Variants in ITPKB observed in about 807,000 individuals in gnomAD.
The protein encoded by ITPKB is inositol-trisphosphate 3-kinase B.
Under a neutral mutation model 69.4 loss-of-function variants are expected in ITPKB, and 13 were observed. The observed-to-expected ratio is 0.19, with a 90% confidence interval of 0.12 to 0.30. The LOEUF (loss-of-function observed/expected upper bound fraction) is 0.30. Among genes scored for constraint, ITPKB ranks in the 10% least tolerant of loss-of-function variants. The pLI, the probability that ITPKB is intolerant of heterozygous loss-of-function variation, is 1.00. For missense variants in ITPKB, 1,240 were observed against 1,250.5 expected (o/e 0.99, Z 0.13); for synonymous variants, 584 against 513.7 (o/e 1.14, Z -1.85).
intron 2 of ITPKB, among the ~76,000 whole-genome samples, chr1:226,701,507 G>C (rs1292237300): frequency 1.3e-5 from 2 of 149,170 alleles, no homozygotes; most frequent in African/African-American, 5.0e-5. Flanking sequence ...GGGAGGCTGA[G>C]GCAGGAGAAT....
chr1:226,650,044 T>C (rs1164770348), intron 2 of ITPKB, among the ~76,000 whole-genome samples: 1 of 152,002 alleles, frequency 6.6e-6, no homozygotes, highest in Admixed American at 6.5e-5. Context: ...GCAGAAGCCA[T>C]GTGGCTTGCA....
At chr1:226,646,264 C>T (rs1558301451) in intron 4 of ITPKB, among the ~76,000 whole-genome samples, 1 of 152,204 alleles carries the variant, frequency 6.6e-6, no homozygotes, top group South Asian at 2.1e-4. Context: ...ACGCTGGACA[C>T]CATGGGGGCC....
At position 226,735,831 on chromosome 1, in the gene ITPKB, G is replaced by C. The variant is rs868844316; in HGVS notation, c.1628C>G (p.Pro543Arg). 2.0e-5 allele frequency: 32 copies of C among 1,608,732 alleles called. No homozygotes were observed. Among genetic ancestry groups the C allele is most frequent in the Non-Finnish European group, 2.7e-5 (32 of 1,175,834 alleles). ...ESQRQDSDAL[P>R]SPELLPQDPD... ...ATCTTGGGGTAGCAGCTCCGGACTT[G>C]GGAGGGCATCACTGTCCTGCCGCTG... Residue 543 changes from proline (P) to arginine (R), a missense_variant, in exon 2 of 8, where the codon CCA (proline) becomes CGA (arginine). Transcript: ENST00000429204.
chr1:226,725,294 A>T (rs901024931), intron 2 of ITPKB, among the ~76,000 whole-genome samples: 1 of 152,320 alleles, frequency 6.6e-6, no homozygotes, highest in African/African-American at 2.4e-5. Context: ...TATTAAATAA[A>T]TGCCTGCTAT....
intron 7 of ITPKB, among the ~76,000 whole-genome samples, chr1:226,636,980 T>C (rs776338205): frequency 8.6e-5 from 13 of 152,004 alleles, no homozygotes; most frequent in Non-Finnish European, 1.5e-4. Context: ...TGTGTGTGCA[T>C]GTAGGGTTTG....
chr1:226,643,727 C>G (rs917716472), intron 4 of ITPKB, among the ~76,000 whole-genome samples: 4 of 152,224 alleles, frequency 2.6e-5, no homozygotes, highest in Non-Finnish European at 5.9e-5. Flanking sequence ...TTAGGACCTT[C>G]CAGGAGGTGA....
chr1:226,681,622 T>C (rs1217301476), intron 2 of ITPKB, among the ~76,000 whole-genome samples: 1 of 152,220 alleles, frequency 6.6e-6, no homozygotes, highest in Non-Finnish European at 1.5e-5. Context: ...AAATTAAATA[T>C]AAACATTTTC....
chr1:226,705,028 A>G (rs1451970071), intron 2 of ITPKB, among the ~76,000 whole-genome samples: 1 of 152,262 alleles, frequency 6.6e-6, no homozygotes, highest in Non-Finnish European at 1.5e-5. Flanking sequence ...GAACAGCATC[A>G]GTAACTGGGA....
chr1:226,735,764 G>A lies in ITPKB; in HGVS notation c.1695C>T (p.Asn565=), dbSNP rs144456622. 225 of 1,598,742 alleles carry A rather than the reference G, an allele frequency of 1.4e-4. No homozygotes were observed. Among genetic ancestry groups the A allele is most frequent in the South Asian group, 8.8e-4 (79 of 90,230 alleles). Residue 565 remains asparagine (N), a synonymous_variant, in exon 2 of 8, where the codon AAC becomes AAT. Coordinates refer to ENST00000429204, the MANE Select transcript of ITPKB (RefSeq NM_002221.4). ...TGTCTGTAATGATGACAGCAGGTAT[G>A]TTGCTGGGGCTGCAGGCCTTCCTCA... ...PFLRKACSPS[N]IPAVIITDMG...
In ITPKB at chr1:226,735,707, C is replaced by A; in HGVS notation, c.1752G>T (p.Glu584Asp). Residue 584 changes from glutamate to aspartate, a missense_variant, in exon 2 of 8, where the codon GAG becomes GAT. Glu to Asp is a conservative substitution (Grantham distance 45, BLOSUM62 2). Around this residue, in one of 2 missense-constraint regions of ITPKB, gnomAD observed 992 missense variants for 853.8 expected, o/e 1.16. Transcript: ENST00000429204. ...GGTTGCCCCGAGGGCTTCCCTGCGT[C>A]TCCTCCAAGGCCCCATCCTCCTGGG... The part of the protein sequence containing the change: ...MGTQEDGALE[E>D]TQGSPRGNLP... 2 of 1,592,092 alleles carry A rather than the reference C, an allele frequency of 1.3e-6. No individual in the cohort carries two copies. Among genetic ancestry groups the A allele is most frequent in the Non-Finnish European group, 1.7e-6 (2 of 1,167,948 alleles).
At chr1:226,718,192 G>A (rs191553972) in intron 2 of ITPKB, among the ~76,000 whole-genome samples, 124 of 151,968 alleles carry the variant, frequency 8.2e-4, no homozygotes, top group African/African-American at 2.8e-3. Context: ...TACTTGGGAG[G>A]CTGAGGCAGG....
intron 2 of ITPKB, among the ~76,000 whole-genome samples, chr1:226,714,040 G>A (rs1031369799): frequency 5.3e-5 from 8 of 152,200 alleles, no homozygotes; most frequent in African/African-American, 1.9e-4. Context: ...TCAGAGAGCA[G>A]ACAATGAGTT....
At position 226,703,244 on chromosome 1, in the gene ITPKB, G is replaced by A. The variant is rs1656710918; in HGVS notation, c.1932+32283C>T. Among the ~76,000 whole-genome samples the A allele has an allele frequency of 2.0e-5, 3 of 152,212 alleles. 1 individual carries two copies. In the South Asian group the frequency reaches 6.2e-4, roughly 31 times the overall value. On this transcript the variant is annotated intron_variant, in intron 2 of 7. Coordinates refer to ENST00000429204, the MANE Select transcript of ITPKB (RefSeq NM_002221.4). ...ATCCCCTACGCAGGAGAAAGACCGA[G>A]TGCTAGCACCCGGGGTGTGAAAGCC... is the stretch of plus-strand genomic sequence containing the variant.
In ITPKB at chr1:226,738,823, A is replaced by C. The variant is rs1183948390; in HGVS notation, c.-206+218T>G. ...AGGCGGCGCGGAGTGAGCGGCCCGG[A>C]AGGCGGGTAGGAGAAATGCGGAGAC... On this transcript the variant is annotated intron_variant, in intron 1 of 7. Transcript: ENST00000429204. The surrounding 1 kb of genome is among the most constrained non-coding windows in gnomAD (Gnocchi z 4.2). 1.3e-5 allele frequency among the ~76,000 whole-genome samples: 2 copies of C among 152,130 alleles called. No homozygotes were observed. The highest frequency in any genetic ancestry group is 3.9e-4 in the East Asian group (2 of 5,166).
At chr1:226,690,361 C>G (rs1656319383) in intron 2 of ITPKB, among the ~76,000 whole-genome samples, 1 of 152,178 alleles carries the variant, frequency 6.6e-6, no homozygotes, top group African/African-American at 2.4e-5. Context: ...TGTAGACAAC[C>G]AGGCTCAGAA....
intron 2 of ITPKB, among the ~76,000 whole-genome samples, chr1:226,735,035 C>G (rs1316421697): frequency 1.3e-5 from 2 of 152,216 alleles, no homozygotes; most frequent in Non-Finnish European, 2.9e-5. Flanking sequence ...AGGGTCCTGT[C>G]ATAGATTCAC....
chr1:226,712,189 C>T (rs1057312450), intron 2 of ITPKB, among the ~76,000 whole-genome samples: 1 of 152,196 alleles, frequency 6.6e-6, no homozygotes, highest in African/African-American at 2.4e-5. Context: ...CACCTTCCCA[C>T]CGCACGAGAG....
At chr1:226,670,210 A>T (rs1017325020) in intron 2 of ITPKB, among the ~76,000 whole-genome samples, 1 of 142,112 alleles carries the variant, frequency 7.0e-6, no homozygotes, top group African/African-American at 2.7e-5. Context: ...AAAAATTTCA[A>T]TAGTGAATCC....
intron 3 of ITPKB, among the ~76,000 whole-genome samples, chr1:226,647,850 G>C (rs1669092247): frequency 6.6e-6 from 1 of 152,222 alleles, no homozygotes; most frequent in Non-Finnish European, 1.5e-5. Context: ...AGCCCACCTG[G>C]GTGGCACTTC....
Sources: gnomAD v4.1 joint callset for allele counts (sites outside exome capture counted in the v4.1 genomes callset) on GRCh38, gnomAD v4.1.1 for gene constraint, gnomAD v4.1.1 regional missense constraint, Gnocchi (gnomAD v3.1) non-coding constraint, MANE v1.5 for transcripts, NCBI Gene and HGNC (gene_info 2026-07-23, HGNC 2026-07-21) for gene names.